MAP2K1: variants seen among roughly 807,000 people sequenced by gnomAD.
MAP2K1 encodes mitogen-activated protein kinase kinase 1, also known as dual specificity mitogen-activated protein kinase kinase 1.
Under a neutral mutation model 46.3 loss-of-function variants are expected in MAP2K1, and 16 were observed. The ratio of observed to expected loss-of-function variants is 0.35; its 90% CI spans 0.23 to 0.52. The LOEUF (loss-of-function observed/expected upper bound fraction) is 0.52. MAP2K1 is among the 20% of genes least tolerant of loss of function. The pLI, the probability that MAP2K1 is intolerant of heterozygous loss-of-function variation, is 0.94. For missense variants in MAP2K1, 263 were observed against 497.1 expected, an observed-to-expected ratio of 0.53 and a Z score of 4.48; for synonymous variants, 183 against 185.6, an observed-to-expected ratio of 0.99 and a Z score of 0.11.
At chr15:66,420,974 TACATAC>T (rs1271583814) in intron 1 of MAP2K1, among the ~76,000 whole-genome samples, 692 of 35,284 alleles carry the variant, frequency 0.02, 22 homozygotes, top group South Asian at 0.17. Flanking sequence ...TACACACACA[TACATAC>T]ACACACATAC....
intron 7 of MAP2K1, 27 bp downstream of exon 7, chr15:66,485,218 T>A (rs1893009574): frequency 6.2e-7 from 1 of 1,603,044 alleles, no homozygotes; most frequent in Non-Finnish European, 8.5e-7. Context: ...GTCCCCATCT[T>A]GGACTGTTGG....
intron 1 of MAP2K1, chr15:66,401,982 C>T: frequency 7.5e-7 from 1 of 1,340,814 alleles, no homozygotes; most frequent in Non-Finnish European, 9.8e-7. Context: ...CCAGGCTGAA[C>T]ATTTTGAAAA....
intron 5 of MAP2K1, among the ~76,000 whole-genome samples, chr15:66,447,468 A>C (rs1035191178): frequency 6.6e-6 from 1 of 152,076 alleles, no homozygotes; most frequent in East Asian, 1.9e-4. Context: ...AGGCGGGCGG[A>C]TCACTTGAGG....
chr15:66,430,079 A>G (rs2093471424), intron 1 of MAP2K1, among the ~76,000 whole-genome samples: 3 of 152,146 alleles, frequency 2.0e-5, no homozygotes, highest in Admixed American at 2.0e-4. Context: ...TAACTTACCC[A>G]AGATCTCACA....
Position 66,440,313 on chromosome 15 carries a change from A to G in MAP2K1, c.439-2967A>G, listed in dbSNP as rs558637763. On this transcript the variant is annotated intron_variant, in intron 3 of 10. Transcript: ENST00000307102. ...CACTATGTTGCCTGTGCTGGTCTTG[A>G]ACTCTTGGGCTCAAGCAATCTGCCT... Among the ~76,000 whole-genome samples, 15 of 152,224 alleles carry G rather than the reference A, an allele frequency of 9.9e-5. 1 individual carries two copies. In the East Asian group the frequency reaches 1.2e-3, roughly 12 times the overall value.
intron 5 of MAP2K1, among the ~76,000 whole-genome samples, chr15:66,466,450 G>C (rs1294453020): frequency 6.6e-6 from 1 of 151,808 alleles, no homozygotes; most frequent in Admixed American, 6.6e-5. Flanking sequence ...AGGCTGAGGC[G>C]GGTGGATCAC....
At position 66,387,304 on chromosome 15, in the gene MAP2K1, G is replaced by T. The variant is rs551186099; in HGVS notation, c.-44G>T. 6.7e-7 allele frequency: 1 copy of T among 1,485,050 alleles called. No homozygotes were observed. Among genetic ancestry groups the T allele is most frequent in the Non-Finnish European group, 9.2e-7 (1 of 1,088,560 alleles). 92.0% of individuals were successfully genotyped at this position (1,485,050 alleles called of 1,614,324 possible). A position where few individuals can be genotyped will look rare whatever the true frequency, so the allele number is the denominator to read the frequency against. ...AGCGCAGCGGGAGGAAGCGAGAGGTGCTGCCCTCCCCCCGGAGTTGGAAGC... is the reference window on the plus strand; with the variant it reads ...AGCGCAGCGGGAGGAAGCGAGAGGTTCTGCCCTCCCCCCGGAGTTGGAAGC... On this transcript the variant is annotated 5_prime_UTR_variant, in exon 1 of 11. Coordinates refer to ENST00000307102, the MANE Select transcript of MAP2K1 (RefSeq NM_002755.4).
chr15:66,419,427 G>T (rs1456893517), intron 1 of MAP2K1, among the ~76,000 whole-genome samples: 2 of 151,862 alleles, frequency 1.3e-5, no homozygotes, highest in African/African-American at 4.8e-5. Flanking sequence ...GGCTGAGGAA[G>T]GAGAATTGCT....
chr15:66,473,919 C>G (rs905888539), intron 5 of MAP2K1, among the ~76,000 whole-genome samples: 4 of 152,120 alleles, frequency 2.6e-5, no homozygotes, highest in African/African-American at 9.7e-5. Flanking sequence ...TGGCCTCTAG[C>G]AATTCACCCG....
At chr15:66,401,445 C>T (rs1487695204) in intron 1 of MAP2K1, among the ~76,000 whole-genome samples, 3 of 151,988 alleles carry the variant, frequency 2.0e-5, no homozygotes, top group Admixed American at 2.0e-4. Context: ...GCTTGCTTCC[C>T]TTTAATTGTT....
At chr15:66,453,597 T>C (rs927593370) in intron 5 of MAP2K1, 20 of 702,036 alleles carry the variant, frequency 2.8e-5, no homozygotes, top group Non-Finnish European at 4.9e-5. Flanking sequence ...GAGAGAGCAG[T>C]CTCCTTGTCC....
chr15:66,443,734 G>A (rs1448764036), intron 4 of MAP2K1, among the ~76,000 whole-genome samples: 2 of 152,082 alleles, frequency 1.3e-5, no homozygotes, highest in Non-Finnish European at 2.9e-5. Flanking sequence ...ATAGCTGGGC[G>A]TGGTGGTGCA....
intron 5 of MAP2K1, among the ~76,000 whole-genome samples, chr15:66,465,089 G>A (rs1441400097): frequency 2.0e-5 from 3 of 151,866 alleles, no homozygotes; most frequent in Non-Finnish European, 2.9e-5. Context: ...GCCGGGCATG[G>A]TGGCGCATGC....
chr15:66,398,859 C>T (rs1012440590), intron 1 of MAP2K1, among the ~76,000 whole-genome samples: 2 of 151,572 alleles, frequency 1.3e-5, no homozygotes, highest in African/African-American at 4.8e-5. Context: ...CTGCAACCTC[C>T]GTCTCCCGGG....
intron 1 of MAP2K1, among the ~76,000 whole-genome samples, chr15:66,411,507 T>C (rs925319506): frequency 2.5e-4 from 38 of 152,314 alleles, no homozygotes; most frequent in Non-Finnish European, 2.9e-4. Context: ...GCTTCTTTTT[T>C]AAGTGCCAGA....
rs185210930 is a variant in MAP2K1 at position 66,386,921 on chromosome 15, C to T, written c.-427C>T. ...CCCTCCCCCGGCCTCCAGTCCCTCC[C>T]AGGGCCGCTTCGCAGAGCGGCTAGG... On this transcript the variant is annotated 5_prime_UTR_variant, in exon 1 of 11. Transcript: ENST00000307102. 2.9e-5 allele frequency: 7 copies of T among 245,124 alleles called. No individual in the cohort carries two copies. The highest frequency in any genetic ancestry group is 5.5e-5 in the Non-Finnish European group (7 of 127,008). The allele number at this position is 245,124 out of a possible 1,614,324, so 15.2% of individuals were successfully genotyped here. A position where few individuals can be genotyped will look rare whatever the true frequency, so the allele number is the denominator to read the frequency against.
In MAP2K1 at chr15:66,453,354, A is replaced by G. The variant is rs1892085462; in HGVS notation, c.568+8647A>G. 7.6e-5 allele frequency: 47 copies of G among 621,270 alleles called. No individual in the cohort carries two copies. The South Asian group carries it at 8.7e-4, about 11-fold the overall frequency. The allele number at this position is 621,270 out of a possible 1,614,324, so 38.5% of individuals were successfully genotyped here. ...GTCTCTGAACAGATGTCTTTGATGG[A>G]GAGTTTACCACTTGCACAGCCAAGA... On this transcript the variant is annotated intron_variant, in intron 5 of 10. Transcript: ENST00000307102.
chr15:66,387,339 G>A lies in MAP2K1; in HGVS notation c.-9G>A, dbSNP rs1311423528. On this transcript the variant is annotated 5_prime_UTR_variant, in exon 1 of 11. Transcript: ENST00000307102. ...CCCCGGAGTTGGAAGCGCGTTACCC[G>A]GGTCCAAAATGCCCAAGAAGAAGCC... 1 of 1,556,712 alleles carries A rather than the reference G, an allele frequency of 6.4e-7. No individual in the cohort carries two copies. The highest frequency in any genetic ancestry group is 1.9e-5 in the Admixed American group (1 of 51,702).
intron 5 of MAP2K1, among the ~76,000 whole-genome samples, chr15:66,447,194 G>A (rs1891892005): frequency 1.3e-5 from 2 of 151,912 alleles, no homozygotes; most frequent in South Asian, 4.1e-4. Flanking sequence ...CTTTGACATG[G>A]CTGACTCCTG....
Sources: gnomAD v4.1 joint callset for allele counts (sites outside exome capture counted in the v4.1 genomes callset) on GRCh38, gnomAD v4.1.1 for gene constraint, MANE v1.5 for transcripts, NCBI Gene and HGNC (gene_info 2026-07-23, HGNC 2026-07-21) for gene names.